CASP6: variants seen among roughly 807,000 people sequenced by gnomAD.
CASP6 encodes caspase 6.
In CASP6, 20 loss-of-function variants were observed where a neutral mutation model predicts 31.8. The ratio of observed to expected loss-of-function variants is 0.63; its 90% CI spans 0.44 to 0.91. CASP6 has a LOEUF of 0.91. CASP6 is among the 40% of genes least tolerant of loss of function. CASP6 has a pLI of 0.00. For synonymous variants in CASP6, 130 were observed against 127.8 expected (o/e 1.02, Z -0.12); for missense variants, 328 against 361.1 (o/e 0.91, Z 0.74).
chr4:109,697,200 C>T (rs538883963), intron 3 of CASP6, among the ~76,000 whole-genome samples: 116 of 152,278 alleles, frequency 7.6e-4, no homozygotes, highest in Non-Finnish European at 1.5e-3. Flanking sequence ...CTTTTCCCTA[C>T]ATCTAGAAGT....
At chr4:109,674,213 T>G in the CASP6 span, 1 of 782,984 alleles carries the variant, frequency 1.3e-6, no homozygotes, top group Non-Finnish European at 2.3e-6. Flanking sequence ...ATAAACTAAT[T>G]TGTATGGGTT....
Position 109,703,352 on chromosome 4 carries a change from C to G in CASP6, c.40+4G>C, listed in dbSNP as rs1730489248. The G allele has an allele frequency of 6.2e-7, 1 of 1,609,318 alleles. No homozygotes were observed. Among genetic ancestry groups the G allele is most frequent in the African/African-American group, 1.3e-5 (1 of 74,868 alleles). On this transcript the variant is annotated splice_donor_region_variant and intron_variant, in intron 1 of 6. Transcript: ENST00000265164. ...TCGGTGCCCAGTCGACGCCCCCTGC[C>G]TACCTGCCGGGTGCCCCCTGCGGAG...
At chr4:109,703,323 C>T (rs774444293) in intron 1 of CASP6, 33 bp downstream of exon 1, 3 of 1,597,480 alleles carry the variant, frequency 1.9e-6, no homozygotes, top group East Asian at 4.5e-5. Context: ...AGACGCAGAC[C>T]TGCTCGGTGC....
upstream of CASP6, among the ~76,000 whole-genome samples, chr4:109,704,559 T>C (rs1730540846): frequency 6.6e-6 from 1 of 152,206 alleles, no homozygotes; most frequent in African/African-American, 2.4e-5. Flanking sequence ...AAAGAAAAGC[T>C]GGAAGCTAGC....
At chr4:109,697,907 G>A (rs188508661) in intron 2 of CASP6, 139 bp from the exon 3 acceptor site, 1 of 915,492 alleles carries the variant, frequency 1.1e-6, no homozygotes, top group East Asian at 2.6e-5. Context: ...CTCCAGGAAA[G>A]GCCATGCTAA....
intron 1 of CASP6, 80 bp downstream of exon 1, chr4:109,703,276 C>A: frequency 2.0e-6 from 3 of 1,501,502 alleles, no homozygotes; most frequent in Non-Finnish European, 2.7e-6. Flanking sequence ...TCCGCGCGCC[C>A]GGTCCACTAA....
downstream of CASP6, chr4:109,684,875 T>C (rs1729802151): frequency 4.4e-6 from 2 of 451,816 alleles, no homozygotes; most frequent in Admixed American, 7.9e-5. Context: ...AATTCCTCCA[T>C]TGGGATAAAT....
downstream of CASP6, among the ~76,000 whole-genome samples, chr4:109,686,221 T>C (rs150234871): frequency 6.9e-3 from 1,058 of 152,298 alleles, 5 homozygotes; most frequent in Non-Finnish European, 0.011. Context: ...CACTGCAACC[T>C]CCGCCTCCTG....
chr4:109,704,650 G>A (rs1000372708), upstream of CASP6, among the ~76,000 whole-genome samples: 6 of 152,200 alleles, frequency 3.9e-5, no homozygotes, highest in African/African-American at 1.4e-4. Context: ...AGGTGCTAAC[G>A]TAGAAGCTGC....
chr4:109,686,420 TG>T (rs1349517877), downstream of CASP6, among the ~76,000 whole-genome samples: 2 of 152,228 alleles, frequency 1.3e-5, no homozygotes, highest in African/African-American at 4.8e-5. Flanking sequence ...ATTACAGGTG[TG>T]AGCCACCATG....
chr4:109,668,960 G>A, the CASP6 span, among the ~76,000 whole-genome samples: 2 of 151,706 alleles, frequency 1.3e-5, no homozygotes, highest in South Asian at 2.1e-4. Context: ...CTTGTCTCAC[G>A]GCTGTCATTC....
upstream of CASP6, among the ~76,000 whole-genome samples, chr4:109,706,131 T>TTTTATATA (rs1730607258): frequency 2.8e-5 from 1 of 36,110 alleles, no homozygotes; most frequent in Non-Finnish European, 4.9e-5. Flanking sequence ...CCTATCCATT[T>TTTTATATA]TATATATATA....
chr4:109,696,456 G>A lies in CASP6; in HGVS notation c.261C>T (p.Cys87=). 6.2e-7 allele frequency: 1 copy of A among 1,612,452 alleles called. No homozygotes were observed. The highest frequency in any genetic ancestry group is 2.2e-5 in the East Asian group (1 of 44,808). Reference sequence around the variant, plus strand: ...GTTCTTCTGCTTTAAGATCATTAAAGCATTTCACTTCAAATCCTAGATCTG... The same window carrying A: ...GTTCTTCTGCTTTAAGATCATTAAAACATTTCACTTCAAATCCTAGATCTG... The part of the protein sequence containing the change: ...RFSDLGFEVK[C]FNDLKAEELL... Residue 87 remains cysteine, a synonymous_variant, in exon 4 of 7, where the codon TGC becomes TGT. Transcript: ENST00000265164.
At chr4:109,703,680 C>T (rs17040781), upstream of CASP6, 2,581 of 511,788 alleles carry the variant, frequency 5.0e-3, 40 homozygotes, top group East Asian at 0.025. Context: ...TAACCGTGCC[C>T]TGGGGACATG....
chr4:109,694,132 T>C (rs1188178556), intron 5 of CASP6, among the ~76,000 whole-genome samples: 1 of 152,186 alleles, frequency 6.6e-6, no homozygotes, highest in African/African-American at 2.4e-5. Flanking sequence ...CTAGAAGGCT[T>C]TATTTTTCCA....
upstream of CASP6, among the ~76,000 whole-genome samples, chr4:109,706,001 AAT>A (rs58700813): frequency 0.088 from 2,760 of 31,534 alleles, 146 homozygotes; most frequent in East Asian, 0.15. Context: ...AAAAAAAAAA[AAT>A]ATATATATAT....
upstream of CASP6, chr4:109,703,659 C>A (rs1730508927): frequency 3.7e-6 from 2 of 540,970 alleles, no homozygotes; most frequent in Non-Finnish European, 3.3e-6. Context: ...CGCCTCCAGG[C>A]CCGCTGGGAC....
the CASP6 span, chr4:109,674,203 AT>A: frequency 1.2e-6 from 1 of 805,454 alleles, no homozygotes; most frequent in Non-Finnish European, 2.2e-6. Flanking sequence ...ATTGTTGGAA[AT>A]AAACTAATTT....
At chr4:109,682,495 T>G in the CASP6 span, 19 of 1,064,412 alleles carry the variant, frequency 1.8e-5, 1 homozygote, top group South Asian at 2.8e-4. Flanking sequence ...AAGATAATAT[T>G]TGGAAAGAGA....
Sources: gnomAD v4.1 joint callset for allele counts (sites outside exome capture counted in the v4.1 genomes callset) on GRCh38, gnomAD v4.1.1 for gene constraint, MANE v1.5 for transcripts, NCBI Gene and HGNC (gene_info 2026-07-23, HGNC 2026-07-21) for gene names.